The following POLN variants were observed in gnomAD, a reference collection of about 807,000 sequenced individuals.
POLN encodes DNA polymerase N.
A neutral mutation model predicts 113.5 loss-of-function variants in POLN; 108 were observed. The ratio of observed to expected loss-of-function variants is 0.95; its 90% CI spans 0.81 to 1.12. POLN has a LOEUF of 1.12. Ranked by LOEUF, POLN falls within the 50% of genes most tolerant of loss-of-function variation. The probability of loss-of-function intolerance (pLI) is 0.00; values close to 1 mark genes in which losing one functional copy is unlikely to be tolerated. For missense variants in POLN, 1,097 were observed against 1,077.1 expected, an observed-to-expected ratio of 1.02 and a Z score of -0.26; for synonymous variants, 386 against 391.5, an observed-to-expected ratio of 0.99 and a Z score of 0.17.
chr4:2,112,138 G>A (rs1363596160), intron 19 of POLN, among the ~76,000 whole-genome samples: 1 of 152,044 alleles, frequency 6.6e-6, no homozygotes, highest in Non-Finnish European at 1.5e-5. Flanking sequence ...AATGGGGAAA[G>A]GATTCCCTAT....
At chr4:2,130,538 GT>G (rs1438712513) in intron 17 of POLN, among the ~76,000 whole-genome samples, 3 of 152,326 alleles carry the variant, frequency 2.0e-5, no homozygotes, top group Admixed American at 1.3e-4. Flanking sequence ...AGAAAGAAGA[GT>G]GTTCATGTGC....
chr4:2,116,743 C>A (rs1232235757), intron 19 of POLN, among the ~76,000 whole-genome samples: 2 of 152,182 alleles, frequency 1.3e-5, no homozygotes, highest in East Asian at 3.9e-4. Context: ...CTTTTCTGCA[C>A]CCATTCATGG....
At chr4:2,225,988 C>T (rs943878450) in intron 3 of POLN, among the ~76,000 whole-genome samples, 4 of 149,050 alleles carry the variant, frequency 2.7e-5, no homozygotes, top group Admixed American at 6.7e-5. Context: ...GACCCTGTCT[C>T]GAAAAAAAAA....
chr4:2,125,959 G>A (rs142613702), intron 19 of POLN, among the ~76,000 whole-genome samples: 1,545 of 152,286 alleles, frequency 0.01, 18 homozygotes, highest in Admixed American at 0.016. Flanking sequence ...GATTGGGGTG[G>A]AGGCCACTCA....
At chr4:2,223,353 C>T (rs922916205) in intron 3 of POLN, among the ~76,000 whole-genome samples, 4 of 152,122 alleles carry the variant, frequency 2.6e-5, no homozygotes, top group African/African-American at 4.8e-5. Context: ...ACCTGAGTTC[C>T]GCCTCCTGTC....
intron 14 of POLN, 81 bp downstream of exon 14, chr4:2,159,074 T>C (rs767766050): frequency 9.2e-7 from 1 of 1,081,592 alleles, no homozygotes; most frequent in Non-Finnish European, 1.4e-6. Context: ...TCAGCCATTA[T>C]GGATTTGTGT....
At chr4:2,182,592 T>C (rs10000953) in intron 7 of POLN, among the ~76,000 whole-genome samples, 37,505 of 152,070 alleles carry the variant, frequency 0.25, 7,146 homozygotes, top group African/African-American at 0.51. Context: ...TTTAAGCACT[T>C]AGTTTATGGT....
At chr4:2,194,482 G>C (rs1733527168) in intron 6 of POLN, among the ~76,000 whole-genome samples, 1 of 152,116 alleles carries the variant, frequency 6.6e-6, no homozygotes, top group Non-Finnish European at 1.5e-5. Flanking sequence ...GGAGGGTAAA[G>C]CGCCAATAAC....
chr4:2,113,768 G>A (rs913988248), intron 19 of POLN, among the ~76,000 whole-genome samples: 1 of 151,710 alleles, frequency 6.6e-6, no homozygotes, highest in African/African-American at 2.4e-5. Flanking sequence ...TGAGGCAGGA[G>A]AATTGCTTGA....
rs142002255 is a variant in POLN at position 2,125,303 on chromosome 4, T to C, written c.1982+2810A>G. The stretch of plus-strand genomic sequence containing the variant: ...GCTCCCTCCTTTGAGACAGGAGCCA[T>C]TGGAGAGGGGGAGGAGGGTATACGG... On this transcript the variant is annotated intron_variant, in intron 19 of 25. Coordinates refer to ENST00000511885, the MANE Select transcript of POLN (RefSeq NM_181808.4). 2.2e-3 allele frequency among the ~76,000 whole-genome samples: 338 copies of C among 152,102 alleles called. 1 individual carries two copies. The highest frequency in any genetic ancestry group is 7.5e-3 in the African/African-American group (311 of 41,500).
intron 20 of POLN, chr4:2,090,207 G>T: frequency 1.2e-6 from 1 of 834,438 alleles, no homozygotes. Context: ...CTTTCCTGTA[G>T]ATACTCTTCC....
chr4:2,177,567 C>T (rs964925805), intron 8 of POLN, among the ~76,000 whole-genome samples: 7 of 152,242 alleles, frequency 4.6e-5, no homozygotes, highest in African/African-American at 1.7e-4. Context: ...CTGAGGCTGC[C>T]TCTTTTCTGC....
rs549724073 is a variant in POLN, at chr4:2,091,400, C to T, written c.2065+4451G>A. Among the ~76,000 whole-genome samples the T allele has an allele frequency of 3.5e-4, 54 of 152,194 alleles. 1 individual carries two copies. Among genetic ancestry groups the T allele is most frequent in the Admixed American group, 2.7e-3 (41 of 15,292 alleles). On this transcript the variant is annotated intron_variant, in intron 20 of 25. Coordinates refer to ENST00000511885, the MANE Select transcript of POLN (RefSeq NM_181808.4). ...GTGGTGGCTCCACAAGCAGCAGGGA[C>T]GAGAGACTGAGATGGAGCCTGAGGG...
intron 16 of POLN, 97 bp from the exon 17 acceptor site, chr4:2,131,387 A>G (rs759993724): frequency 1.2e-6 from 1 of 810,716 alleles, no homozygotes; most frequent in Non-Finnish European, 2.0e-6. Context: ...TAAACATTAA[A>G]ACAAGTAAGC....
At chr4:2,120,383 A>T (rs969955401) in intron 19 of POLN, among the ~76,000 whole-genome samples, 1 of 151,514 alleles carries the variant, frequency 6.6e-6, no homozygotes, top group Non-Finnish European at 1.5e-5. Context: ...TACCCCGAAC[A>T]TGGTATTTCT....
chr4:2,085,486 A>T (rs1279667312), intron 21 of POLN, 127 bp downstream of exon 21: 2 of 1,206,428 alleles, frequency 1.7e-6, no homozygotes, highest in Non-Finnish European at 2.3e-6. Flanking sequence ...AGAGCTGAGG[A>T]TTCACCCAGG....
At position 2,173,117 on chromosome 4, in the gene POLN, G is replaced by A. The variant is rs370645811; in HGVS notation, c.1374+838C>T. Among the ~76,000 whole-genome samples the A allele has an allele frequency of 4.8e-4, 73 of 152,166 alleles. 1 individual carries two copies. Among genetic ancestry groups the A allele is most frequent in the Middle Eastern group, 3.2e-3 (1 of 316 alleles). Reference sequence around the variant, plus strand: ...TGGGAAAGCTAGAAAGAAAAGCAACGATGAAAAGGCTACAAAAGTCAGGGT... The same window carrying A: ...TGGGAAAGCTAGAAAGAAAAGCAACAATGAAAAGGCTACAAAAGTCAGGGT... On this transcript the variant is annotated intron_variant, in intron 11 of 25. Transcript: ENST00000511885.
chr4:2,073,846 AGCAGG>A (rs978950366), intron 24 of POLN, among the ~76,000 whole-genome samples: 2 of 152,122 alleles, frequency 1.3e-5, no homozygotes, highest in African/African-American at 4.8e-5. Context: ...GTGTGTCCTG[AGCAGG>A]GCCAGCGGCC....
chr4:2,172,220 G>C (rs191241072), intron 11 of POLN, among the ~76,000 whole-genome samples: 16 of 152,282 alleles, frequency 1.1e-4, no homozygotes, highest in Admixed American at 3.9e-4. Context: ...GACCTGAAAT[G>C]CTGAAAAACA....
Sources: gnomAD v4.1 joint callset for allele counts (sites outside exome capture counted in the v4.1 genomes callset) on GRCh38, gnomAD v4.1.1 for gene constraint, MANE v1.5 for transcripts, NCBI Gene and HGNC (gene_info 2026-07-23, HGNC 2026-07-21) for gene names.